RIN3: variants seen among roughly 807,000 people sequenced by gnomAD.
The protein encoded by RIN3 is Ras and Rab interactor 3.
In RIN3, 54 loss-of-function variants were observed where a neutral mutation model predicts 76.3. The ratio of observed to expected loss-of-function variants is 0.71; its 90% CI spans 0.57 to 0.89. The LOEUF (loss-of-function observed/expected upper bound fraction) is 0.89, where lower values mean the gene tolerates loss of function less well. Ranked by LOEUF, RIN3 falls within the 40% of genes least tolerant of loss-of-function variation. The probability of loss-of-function intolerance (pLI) is 0.00; values close to 1 mark genes in which losing one functional copy is unlikely to be tolerated. For missense variants in RIN3, 1,256 were observed against 1,322.1 expected (o/e 0.95, Z 0.78); for synonymous variants, 576 against 564.0 (o/e 1.02, Z -0.30).
At chr14:92,561,044 A>AAATATATATAT (rs1555383856) in intron 2 of RIN3, among the ~76,000 whole-genome samples, 3 of 24,398 alleles carry the variant, frequency 1.2e-4, no homozygotes, top group African/African-American at 3.9e-4. Context: ...AAAAAAAAAA[A>AAATATATATAT]ATATATATAT....
chr14:92,631,346 C>T (rs1229096944), intron 4 of RIN3, among the ~76,000 whole-genome samples: 1 of 152,204 alleles, frequency 6.6e-6, no homozygotes, highest in Non-Finnish European at 1.5e-5. Context: ...CCTCTCAATC[C>T]AGCACTCAGG....
chr14:92,522,429 C>T (rs1173577138), intron 1 of RIN3, among the ~76,000 whole-genome samples: 3 of 152,144 alleles, frequency 2.0e-5, no homozygotes, highest in African/African-American at 7.2e-5. Flanking sequence ...AAGCATCAAA[C>T]ATTTTTATCA....
intron 8 of RIN3, among the ~76,000 whole-genome samples, chr14:92,682,113 C>A (rs1888687457): frequency 6.6e-6 from 1 of 152,182 alleles, no homozygotes; most frequent in East Asian, 1.9e-4. Context: ...TCTTGAACTC[C>A]TGACCTCAAG....
At position 92,685,708 on chromosome 14, in the gene RIN3, A is replaced by C. The variant is rs984127328; in HGVS notation, c.2631+558A>C. 1 of 50,408 alleles carries C rather than the reference A, an allele frequency of 2.0e-5. No individual in the cohort carries two copies. The highest frequency in any genetic ancestry group is 8.2e-5 in the African/African-American group (1 of 12,196). The allele number at this position is 50,408 out of a possible 1,614,324, so 3.1% of individuals were successfully genotyped here. ...GGCTGCATCAAATCCAGCTGCCCCC[A>C]GTTCCCCAAACATGCCCAGCCCAGT... On this transcript the variant is annotated intron_variant, in intron 9 of 9. Coordinates refer to ENST00000216487, the MANE Select transcript of RIN3 (RefSeq NM_024832.5). This position sits in a 1 kb window ranked among gnomAD's most constrained non-coding sequence, Gnocchi z 4.7.
chr14:92,651,898 T>TC lies in RIN3; in HGVS notation c.854dup (p.Val286SerfsTer138), dbSNP rs748828189. The TC allele has an allele frequency of 1.2e-6, 1 of 838,136 alleles. No individual in the cohort carries two copies. The highest frequency in any genetic ancestry group is 1.5e-6 in the Non-Finnish European group (1 of 650,492). The allele number at this position is 838,136 out of a possible 1,614,324, so 51.9% of individuals were successfully genotyped here. On this transcript the variant is annotated frameshift_variant, in exon 6 of 10. Coordinates refer to ENST00000216487, the MANE Select transcript of RIN3 (RefSeq NM_024832.5). LOFTEE classifies it high-confidence loss of function. ...GGGCCCCACGCCGCCCACCACCCCCTCCCCCAGTGCTGCCCCTGCAGCCCT... is the reference window on the plus strand; with the variant it reads ...GGGCCCCACGCCGCCCACCACCCCCTCCCCCCAGTGCTGCCCCTGCAGCCCT...
chr14:92,521,996 G>A (rs1009210647), intron 1 of RIN3, among the ~76,000 whole-genome samples: 1 of 148,024 alleles, frequency 6.8e-6, no homozygotes, highest in Non-Finnish European at 1.5e-5. Flanking sequence ...GAGTGGGAAA[G>A]GACAAGTTGT....
chr14:92,620,501 C>A (rs895455928), intron 4 of RIN3, among the ~76,000 whole-genome samples: 7 of 152,074 alleles, frequency 4.6e-5, no homozygotes, highest in Non-Finnish European at 1.5e-5. Context: ...ACAAAGGTAG[C>A]TTTGGAATTC....
At chr14:92,666,034 G>A (rs544093233) in intron 7 of RIN3, among the ~76,000 whole-genome samples, 10 of 145,126 alleles carry the variant, frequency 6.9e-5, no homozygotes, top group African/African-American at 2.3e-4. Context: ...CCCGAGTCCC[G>A]CCTACCTCCA....
intron 4 of RIN3, among the ~76,000 whole-genome samples, chr14:92,630,353 GT>G (rs1372038455): frequency 6.6e-6 from 1 of 152,174 alleles, no homozygotes; most frequent in Non-Finnish European, 1.5e-5. Context: ...TTAGCCGGGT[GT>G]CGTGGCACAT....
At chr14:92,622,151 T>C (rs751808814) in intron 4 of RIN3, among the ~76,000 whole-genome samples, 1 of 152,180 alleles carries the variant, frequency 6.6e-6, no homozygotes, top group African/African-American at 2.4e-5. Context: ...CAAGCAGCCA[T>C]TGCAACTGCA....
intron 5 of RIN3, among the ~76,000 whole-genome samples, chr14:92,650,342 CT>C (rs1566885823): frequency 1.3e-5 from 2 of 152,244 alleles, no homozygotes; most frequent in Non-Finnish European, 2.9e-5. Context: ...GCCTCTTACC[CT>C]CATCTGTGAA....
chr14:92,664,364 C>CTTTTTTTTTTTTTTT (rs373597134), intron 7 of RIN3, among the ~76,000 whole-genome samples: 3 of 84,446 alleles, frequency 3.6e-5, no homozygotes, highest in Non-Finnish European at 7.0e-5. Flanking sequence ...TTCTTTCTTT[C>CTTTTTTTTTTTTTTT]TTTTTTTTTT....
intron 1 of RIN3, among the ~76,000 whole-genome samples, chr14:92,533,435 A>G (rs186506637): frequency 1.3e-5 from 2 of 152,362 alleles, no homozygotes; most frequent in East Asian, 3.9e-4. Context: ...AGCAAAATTC[A>G]CAATTGCAAA....
At chr14:92,597,420 C>T (rs577428719) in intron 3 of RIN3, among the ~76,000 whole-genome samples, 40 of 152,296 alleles carry the variant, frequency 2.6e-4, no homozygotes, top group African/African-American at 8.9e-4. Flanking sequence ...TTGAGAGGAT[C>T]GGTCAAGTGT....
At chr14:92,519,176 A>C (rs1339262794) in intron 1 of RIN3, among the ~76,000 whole-genome samples, 5 of 152,210 alleles carry the variant, frequency 3.3e-5, no homozygotes, top group African/African-American at 9.6e-5. Context: ...CCCATGGAAC[A>C]GTCTAGAACA....
chr14:92,677,078 G>C (rs1473695484), intron 8 of RIN3, among the ~76,000 whole-genome samples: 1 of 152,206 alleles, frequency 6.6e-6, no homozygotes, highest in Non-Finnish European at 1.5e-5. Flanking sequence ...GTGACAATCA[G>C]TTCTTAGACA....
chr14:92,609,139 T>C (rs1885631212), intron 3 of RIN3, among the ~76,000 whole-genome samples: 1 of 152,228 alleles, frequency 6.6e-6, no homozygotes, highest in Admixed American at 6.5e-5. Flanking sequence ...ACATATGATA[T>C]ATAGTTTTTC....
chr14:92,619,717 C>T lies in RIN3; in HGVS notation c.440+4238C>T, dbSNP rs189968243. Among the ~76,000 whole-genome samples the T allele has an allele frequency of 2.3e-3, 351 of 152,248 alleles. 5 individuals are homozygous for T. Among genetic ancestry groups the T allele is most frequent in the Admixed American group, 0.016 (241 of 15,284 alleles). Reference sequence around the variant, plus strand: ...GCTGGATTACAGGCCTGAGCCACCACGCCCGGCCTCTAGTAGTCTTAACTG... The same window carrying T: ...GCTGGATTACAGGCCTGAGCCACCATGCCCGGCCTCTAGTAGTCTTAACTG... On this transcript the variant is annotated intron_variant, in intron 4 of 9. Transcript: ENST00000216487.
intron 3 of RIN3, among the ~76,000 whole-genome samples, chr14:92,601,803 A>G (rs1419187566): frequency 6.6e-6 from 1 of 152,026 alleles, no homozygotes; most frequent in African/African-American, 2.4e-5. Context: ...GTTTCTCTTT[A>G]GCCTTCCCTG....
Sources: allele counts gnomAD v4.1 joint callset (sites outside exome capture counted in the v4.1 genomes callset), GRCh38; gene constraint gnomAD v4.1.1; non-coding constraint Gnocchi (gnomAD v3.1); transcripts MANE v1.5; gene names NCBI Gene and HGNC (gene_info 2026-07-23, HGNC 2026-07-21).